DHRS12: variants seen among roughly 807,000 people sequenced by gnomAD.
DHRS12 encodes the protein dehydrogenase/reductase SDR family member 12.
A neutral mutation model predicts 32.1 loss-of-function variants in DHRS12; 29 were observed. The observed-to-expected ratio is 0.90, with a 90% CI of 0.67 to 1.23. The LOEUF (loss-of-function observed/expected upper bound fraction) is 1.23. DHRS12 is among the 50% of genes most tolerant of loss of function. The pLI is 0.00. For missense variants in DHRS12, 330 were observed against 337.2 expected, an observed-to-expected ratio of 0.98 and a Z score of 0.17; for synonymous variants, 150 against 135.9, an observed-to-expected ratio of 1.10 and a Z score of -0.72.
At chr13:51,803,894 G>A in intron 1 of DHRS12, 160 bp downstream of exon 1, 2 of 563,554 alleles carry the variant, frequency 3.5e-6, no homozygotes, top group Non-Finnish European at 5.3e-6. Context: ...GCCCAGCCGT[G>A]GGTCGCTAGA....
chr13:51,773,392 C>T (rs879842417), intron 6 of DHRS12, among the ~76,000 whole-genome samples: 1 of 152,124 alleles, frequency 6.6e-6, no homozygotes, highest in Non-Finnish European at 1.5e-5. Flanking sequence ...TGGGATTTCC[C>T]ACTTGTGACA....
chr13:51,782,447 G>A lies in DHRS12; in HGVS notation c.302-5326C>T, dbSNP rs1048671623. ...GGAGGCCATCGCGCTATGGGAGCAC[G>A]GACAGCTGTGCCCAGTGCTGCCCAT... On this transcript the variant is annotated intron_variant, in intron 4 of 8. Coordinates refer to ENST00000444610, the MANE Select transcript of DHRS12 (RefSeq NM_001377533.1). This position sits in a 1 kb window ranked among gnomAD's most constrained non-coding sequence, Gnocchi z 4.2. 2.6e-5 allele frequency among the ~76,000 whole-genome samples: 4 copies of A among 152,166 alleles called. No individual in the cohort carries two copies. Among genetic ancestry groups the A allele is most frequent in the African/African-American group, 4.8e-5 (2 of 41,442 alleles).
At chr13:51,794,903 C>G (rs1463928380) in intron 2 of DHRS12, among the ~76,000 whole-genome samples, 2 of 151,952 alleles carry the variant, frequency 1.3e-5, no homozygotes, top group Non-Finnish European at 2.9e-5. Flanking sequence ...AAAGGTACAC[C>G]CTGTTTCTCC....
chr13:51,798,671 T>C (rs1337103093), intron 2 of DHRS12, among the ~76,000 whole-genome samples: 1 of 152,210 alleles, frequency 6.6e-6, no homozygotes, highest in African/African-American at 2.4e-5. Context: ...GATAATTAAA[T>C]AAAGCTTCAA....
chr13:51,792,099 C>A (rs1955300893), intron 2 of DHRS12, among the ~76,000 whole-genome samples: 1 of 152,104 alleles, frequency 6.6e-6, no homozygotes, highest in Non-Finnish European at 1.5e-5. Context: ...ATTTCAATTC[C>A]CTTGGATAAG....
At chr13:51,768,323 G>C in intron 8 of DHRS12, 27 bp from the exon 9 acceptor site, 1 of 1,535,166 alleles carries the variant, frequency 6.5e-7, no homozygotes, top group East Asian at 2.4e-5. Flanking sequence ...ACCGCAGAGA[G>C]GTGTGAGCTG....
downstream of DHRS12, chr13:51,767,931 T>G: frequency 8.0e-7 from 1 of 1,244,994 alleles, no homozygotes; most frequent in Non-Finnish European, 1.0e-6. Flanking sequence ...AACTTCGAAT[T>G]CTTTAGAAAA....
intron 4 of DHRS12, among the ~76,000 whole-genome samples, chr13:51,785,880 A>G (rs1954931972): frequency 6.6e-6 from 1 of 152,260 alleles, no homozygotes; most frequent in Non-Finnish European, 1.5e-5. Flanking sequence ...GACTGGTTTT[A>G]GACTACCTCT....
chr13:51,797,564 A>T (rs936225302), intron 2 of DHRS12, among the ~76,000 whole-genome samples: 3 of 152,170 alleles, frequency 2.0e-5, no homozygotes, highest in African/African-American at 7.2e-5. Flanking sequence ...GTCCAGTGTA[A>T]TGGGCCTCTG....
chr13:51,775,683 CTACAG>C (rs540570083), intron 5 of DHRS12: 98 of 4,080 alleles, frequency 0.024, 3 homozygotes, highest in South Asian at 0.079. Flanking sequence ...ATGTATTCTC[CTACAG>C]TATTCTCCTA....
At chr13:51,755,340 T>G in the DHRS12 span, 1 of 1,613,812 alleles carries the variant, frequency 6.2e-7, no homozygotes, top group Non-Finnish European at 8.5e-7. Flanking sequence ...TGACCTGTTC[T>G]GTGCTTTATT....
At chr13:51,803,990 C>T (rs1955878176) in intron 1 of DHRS12, 64 bp downstream of exon 1, 2 of 1,380,664 alleles carry the variant, frequency 1.4e-6, no homozygotes, top group South Asian at 3.1e-5. Context: ...GCCAACCCTG[C>T]TCGCCCGCGC....
downstream of DHRS12, chr13:51,766,943 C>CTGTT (rs1294149165): frequency 1.3e-5 from 2 of 152,246 alleles, no homozygotes; most frequent in East Asian, 1.9e-4. Flanking sequence ...GGGAGAGCTG[C>CTGTT]TGTTTGGAGG....
At position 51,774,050 on chromosome 13, in the gene DHRS12, C is replaced by T; in HGVS notation, c.364-16G>A. 6.2e-7 allele frequency: 1 copy of T among 1,611,338 alleles called. No homozygotes were observed. Among genetic ancestry groups the T allele is most frequent in the African/African-American group, 1.3e-5 (1 of 74,904 alleles). On this transcript the variant is annotated splice_polypyrimidine_tract_variant and intron_variant, in intron 5 of 8. Transcript: ENST00000444610. ...AGACGGTTATCTGCAATAAAGGTAA[C>T]AGAGATTTACAAACTAAAGCCTGTG...
chr13:51,787,502 G>T (rs1955011511), intron 4 of DHRS12, among the ~76,000 whole-genome samples: 1 of 151,532 alleles, frequency 6.6e-6, no homozygotes, highest in East Asian at 1.9e-4. Flanking sequence ...TGGGATGGGT[G>T]GAACTGTGCA....
chr13:51,773,149 G>T, intron 6 of DHRS12: 1 of 844,398 alleles, frequency 1.2e-6, no homozygotes, highest in Non-Finnish European at 1.4e-6. Flanking sequence ...TCCTTCATCT[G>T]AAATGCTGAG....
downstream of DHRS12, chr13:51,767,929 A>ATTCT (rs1953823075): frequency 4.0e-6 from 5 of 1,236,808 alleles, no homozygotes; most frequent in Admixed American, 3.7e-5. Flanking sequence ...CAAACTTCGA[A>ATTCT]TTCTTTAGAA....
the DHRS12 span, chr13:51,758,047 G>A: frequency 7.0e-6 from 3 of 425,788 alleles, no homozygotes; most frequent in African/African-American, 2.0e-5. Flanking sequence ...GGTCACCAGG[G>A]AATAAAGGCA....
At chr13:51,768,945 T>C (rs1953880418) in intron 8 of DHRS12, 1 of 1,400,456 alleles carries the variant, frequency 7.1e-7, no homozygotes. Flanking sequence ...GACAGGGTTA[T>C]CACAAGTCTC....
Sources: gnomAD v4.1 joint callset for allele counts (sites outside exome capture counted in the v4.1 genomes callset) on GRCh38, gnomAD v4.1.1 for gene constraint, Gnocchi (gnomAD v3.1) non-coding constraint, MANE v1.5 for transcripts, NCBI Gene and HGNC (gene_info 2026-07-23, HGNC 2026-07-21) for gene names.